CATSPERE: variants seen among roughly 807,000 people sequenced by gnomAD.
The protein encoded by CATSPERE is cation channel sperm-associated auxiliary subunit epsilon.
A neutral mutation model predicts 114.1 loss-of-function variants in CATSPERE; 93 were observed. That is an observed-to-expected ratio of 0.81 (90% CI 0.69 to 0.97). The LOEUF is 0.97. Among genes scored for constraint, CATSPERE ranks in the 50% least tolerant of loss-of-function variants. The pLI is 0.00. For synonymous variants in CATSPERE, 341 were observed against 384.1 expected (o/e 0.89, Z 1.31); for missense variants, 1,058 against 1,131.6 (o/e 0.93, Z 0.93).
At chr1:244,498,041 C>A (rs1221097968) in intron 6 of CATSPERE, among the ~76,000 whole-genome samples, 3 of 152,114 alleles carry the variant, frequency 2.0e-5, no homozygotes, top group Non-Finnish European at 4.4e-5. Flanking sequence ...TAGGAATGTG[C>A]CCTACCAATA....
chr1:244,596,508 A>G (rs1041755667), intron 17 of CATSPERE, among the ~76,000 whole-genome samples: 1 of 152,160 alleles, frequency 6.6e-6, no homozygotes, highest in Admixed American at 6.5e-5. Context: ...GTTCACCTGC[A>G]TCACTAGGAA....
intron 8 of CATSPERE, among the ~76,000 whole-genome samples, chr1:244,524,715 G>T (rs530791567): frequency 6.6e-6 from 1 of 150,712 alleles, no homozygotes; most frequent in East Asian, 1.9e-4. Context: ...AGACATTTAT[G>T]CAGCCAAAAA....
intron 10 of CATSPERE, among the ~76,000 whole-genome samples, chr1:244,566,748 G>A (rs202014295): frequency 2.1e-5 from 3 of 142,040 alleles, no homozygotes; most frequent in East Asian, 4.2e-4. Context: ...GTCTTTGCAC[G>A]TGAAATGGGT....
intron 8 of CATSPERE, among the ~76,000 whole-genome samples, chr1:244,542,248 T>C (rs1355725457): frequency 6.6e-6 from 1 of 151,842 alleles, no homozygotes; most frequent in Non-Finnish European, 1.5e-5. Flanking sequence ...AGGTCAGCAT[T>C]TAGCTGCATA....
At chr1:244,592,547 A>T (rs1234838113) in intron 15 of CATSPERE, among the ~76,000 whole-genome samples, 1 of 152,162 alleles carries the variant, frequency 6.6e-6, no homozygotes, top group Non-Finnish European at 1.5e-5. Flanking sequence ...TAAAATAATA[A>T]GTAGTCTAAT....
rs1489076897 is a variant in CATSPERE at position 244,607,075 on chromosome 1, C to G, written c.2403+1281C>G. 6.6e-6 allele frequency among the ~76,000 whole-genome samples: 1 copy of G among 152,186 alleles called. No homozygotes were observed. Among genetic ancestry groups the G allele is most frequent in the Non-Finnish European group, 1.5e-5 (1 of 68,036 alleles). The stretch of plus-strand genomic sequence containing the variant: ...AGACTCCCATCACTCTCTTCCTTCT[C>G]AAACCTTTCCATTATGCCTCAAGGT... On this transcript the variant is annotated intron_variant, in intron 18 of 21. Coordinates refer to ENST00000366534, the MANE Select transcript of CATSPERE (RefSeq NM_001130957.2). The surrounding 1 kb of genome is among the most constrained non-coding windows in gnomAD (Gnocchi z 4.4).
intron 20 of CATSPERE, among the ~76,000 whole-genome samples, chr1:244,622,490 A>G (rs3122317): frequency 0.77 from 114,127 of 148,086 alleles, 44,609 homozygotes; most frequent in East Asian, 0.87. Context: ...TGCAACCTCC[A>G]CCTCCCGGGT....
At chr1:244,545,336 T>C (rs1423268606) in intron 8 of CATSPERE, among the ~76,000 whole-genome samples, 1 of 152,190 alleles carries the variant, frequency 6.6e-6, no homozygotes, top group African/African-American at 2.4e-5. Context: ...AGGCAACATA[T>C]TCCTCATTTG....
chr1:244,550,654 C>T (rs1031135977), intron 8 of CATSPERE, among the ~76,000 whole-genome samples: 4 of 152,062 alleles, frequency 2.6e-5, no homozygotes, highest in Non-Finnish European at 4.4e-5. Context: ...ATGTGGCTTG[C>T]AAAAAGTGGA....
chr1:244,507,312 G>GT (rs951908681), intron 7 of CATSPERE, among the ~76,000 whole-genome samples: 5 of 152,058 alleles, frequency 3.3e-5, no homozygotes, highest in African/African-American at 1.2e-4. Context: ...TTCATGTTTA[G>GT]TTTTTTGAAA....
intron 9 of CATSPERE, among the ~76,000 whole-genome samples, chr1:244,553,559 C>T (rs1193538516): frequency 4.1e-5 from 5 of 121,744 alleles, no homozygotes; most frequent in South Asian, 2.7e-4. Context: ...CCAGCCTGGG[C>T]GACAGAGCGA....
At chr1:244,639,791 G>A (rs1675133730) in intron 21 of CATSPERE, 137 bp from the exon 22 acceptor site, 1 of 740,006 alleles carries the variant, frequency 1.4e-6, no homozygotes, top group South Asian at 1.8e-5. Context: ...CACTGTGAGG[G>A]TGGACAGTGT....
At position 244,613,193 on chromosome 1, in the gene CATSPERE, A is replaced by G. The variant is rs189248185; in HGVS notation, c.2490+2867A>G. ...CTTTTCCAATTAAGTTCATGGACCC[A>G]TGTATTAAGTAACTTGGTAGGACAA... is the stretch of plus-strand genomic sequence containing the variant. On this transcript the variant is annotated intron_variant, in intron 19 of 21. Coordinates refer to ENST00000366534, the MANE Select transcript of CATSPERE (RefSeq NM_001130957.2). Among the ~76,000 whole-genome samples, 1,340 of 152,326 alleles carry G rather than the reference A, an allele frequency of 8.8e-3. 12 individuals carry two copies. Among genetic ancestry groups the G allele is most frequent in the Non-Finnish European group, 0.016 (1,076 of 68,030 alleles).
At chr1:244,618,717 C>T (rs1452691679) in intron 20 of CATSPERE, among the ~76,000 whole-genome samples, 4 of 128,494 alleles carry the variant, frequency 3.1e-5, no homozygotes, top group East Asian at 4.5e-4. Context: ...CCAGAGGTTG[C>T]GGTGAGCTGA....
chr1:244,554,556 TAAC>T (rs1661288713), intron 9 of CATSPERE, among the ~76,000 whole-genome samples: 2 of 152,266 alleles, frequency 1.3e-5, no homozygotes, highest in South Asian at 2.1e-4. Flanking sequence ...AAATAAAAAA[TAAC>T]AATAATAGCC....
In CATSPERE at chr1:244,573,769, A is replaced by C. The variant is rs1253142124; in HGVS notation, c.1950+997A>C. On this transcript the variant is annotated intron_variant, in intron 11 of 21. Transcript: ENST00000366534. This position sits in a 1 kb window ranked among gnomAD's most constrained non-coding sequence, Gnocchi z 4.0. ...GTGACATAAACTCTACCTCTTATGGAGAAATAGCAAGTTACACTGCATACG... is the reference window on the plus strand; with the variant it reads ...GTGACATAAACTCTACCTCTTATGGCGAAATAGCAAGTTACACTGCATACG... Among the ~76,000 whole-genome samples, 2 of 152,200 alleles carry C rather than the reference A, an allele frequency of 1.3e-5. No homozygotes were observed. The highest frequency in any genetic ancestry group is 4.8e-5 in the African/African-American group (2 of 41,456).
chr1:244,598,670 T>C, intron 17 of CATSPERE: 1 of 260,586 alleles, frequency 3.8e-6, no homozygotes, highest in Non-Finnish European at 8.1e-6. Context: ...CACTTTTGCT[T>C]TTTTCAACAT....
rs149596978 is a variant in CATSPERE, at chr1:244,538,781, G to A, written c.537-13541G>A. 1.5e-3 allele frequency among the ~76,000 whole-genome samples: 225 copies of A among 152,208 alleles called. 1 individual carries two copies. Among genetic ancestry groups the A allele is most frequent in the African/African-American group, 5.0e-3 (207 of 41,518 alleles). On this transcript the variant is annotated intron_variant, in intron 8 of 21. Coordinates refer to ENST00000366534, the MANE Select transcript of CATSPERE (RefSeq NM_001130957.2). ...GGGACCCTTCACAGGAGGCTTAGTC[G>A]TGTCTCACCCCACAGGACACATTGG...
intron 11 of CATSPERE, 117 bp downstream of exon 11, chr1:244,572,889 C>CT (rs1214336062): frequency 1.4e-6 from 1 of 718,976 alleles, no homozygotes; most frequent in Non-Finnish European, 2.1e-6. Flanking sequence ...TGAGGAATGT[C>CT]TGAGTTTTTA....
Sources: gnomAD v4.1 joint callset for allele counts (sites outside exome capture counted in the v4.1 genomes callset) on GRCh38, gnomAD v4.1.1 for gene constraint, Gnocchi (gnomAD v3.1) non-coding constraint, MANE v1.5 for transcripts, NCBI Gene and HGNC (gene_info 2026-07-23, HGNC 2026-07-21) for gene names.